PTGER3: variants seen among roughly 807,000 people sequenced by gnomAD.
PTGER3 encodes prostaglandin E receptor 3.
Under a neutral mutation model 34.7 loss-of-function variants are expected in PTGER3, and 22 were observed. The ratio of observed to expected loss-of-function variants is 0.63; its 90% CI spans 0.45 to 0.91. PTGER3 has a LOEUF of 0.91. PTGER3 is among the 40% of genes least tolerant of loss of function. PTGER3 has a pLI of 0.00. For missense variants in PTGER3, 468 were observed against 519.4 expected, an observed-to-expected ratio of 0.90 and a Z score of 0.96; for synonymous variants, 241 against 230.1, an observed-to-expected ratio of 1.05 and a Z score of -0.43.
intron 4 of PTGER3, among the ~76,000 whole-genome samples, chr1:70,871,860 A>G (rs887054687): frequency 3.3e-5 from 5 of 152,050 alleles, no homozygotes; most frequent in East Asian, 1.9e-4. Flanking sequence ...GGGTCATTCA[A>G]TTTTCAAGGT....
At chr1:70,989,079 G>A (rs1332361636) in intron 2 of PTGER3, among the ~76,000 whole-genome samples, 2 of 152,066 alleles carry the variant, frequency 1.3e-5, no homozygotes, top group Admixed American at 6.6e-5. Flanking sequence ...AAAGAGGAGA[G>A]GTGACACAGT....
At chr1:70,914,090 G>T (rs543952228) in intron 4 of PTGER3, among the ~76,000 whole-genome samples, 3 of 151,528 alleles carry the variant, frequency 2.0e-5, no homozygotes, top group Admixed American at 6.6e-5. Flanking sequence ...AGTATATATA[G>T]TATACATATA....
intron 4 of PTGER3, among the ~76,000 whole-genome samples, chr1:70,942,336 T>C (rs753119064): frequency 1.3e-5 from 2 of 152,190 alleles, no homozygotes; most frequent in Non-Finnish European, 2.9e-5. Flanking sequence ...TTGTGTTGTG[T>C]TTGTGCTATT....
chr1:71,027,211 T>C (rs1443976448), intron 1 of PTGER3, among the ~76,000 whole-genome samples: 1 of 129,530 alleles, frequency 7.7e-6, no homozygotes, highest in Non-Finnish European at 1.7e-5. Flanking sequence ...TCACCGAGGC[T>C]GGAGTGCAGT....
At chr1:70,972,262 G>T (rs1317824791) in intron 3 of PTGER3, among the ~76,000 whole-genome samples, 3 of 152,114 alleles carry the variant, frequency 2.0e-5, no homozygotes, top group Non-Finnish European at 4.4e-5. Context: ...GGTGGAGGTT[G>T]CAGTGAGCCG....
At chr1:71,040,980 G>A (rs556887750) in intron 1 of PTGER3, among the ~76,000 whole-genome samples, 7 of 152,172 alleles carry the variant, frequency 4.6e-5, no homozygotes, top group Non-Finnish European at 1.0e-4. Context: ...GAAGTGCTCT[G>A]TGTAAAGAGA....
At chr1:71,022,825 C>G (rs964575505) in intron 1 of PTGER3, among the ~76,000 whole-genome samples, 40 of 151,692 alleles carry the variant, frequency 2.6e-4, no homozygotes, top group African/African-American at 9.3e-4. Context: ...CTGCAGCCAT[C>G]CATTCTTTCC....
intron 1 of PTGER3, among the ~76,000 whole-genome samples, chr1:71,032,391 T>A (rs1467263456): frequency 6.6e-6 from 1 of 152,336 alleles, no homozygotes; most frequent in African/African-American, 2.4e-5. Flanking sequence ...AACAAAACAA[T>A]AGAAAAAATC....
intron 4 of PTGER3, among the ~76,000 whole-genome samples, chr1:70,881,945 A>G (rs1353012155): frequency 1.3e-5 from 2 of 152,162 alleles, no homozygotes; most frequent in African/African-American, 2.4e-5. Context: ...AGGCAGGGGT[A>G]GGTGGAATTG....
chr1:70,914,368 G>A (rs1887404), intron 4 of PTGER3, among the ~76,000 whole-genome samples: 54,891 of 151,616 alleles, frequency 0.36, 10,100 homozygotes, highest in Middle Eastern at 0.53. Context: ...CTGGAACAGA[G>A]TTGGATCTCA....
rs117922524 is a variant in PTGER3 at position 71,014,314 on chromosome 1, C to T, written c.898-1830G>A. Reference sequence around the variant, plus strand: ...CAGTGATGGCACTTTGATACACTCACCCTGGATCAACATTTCAGAGTCTGT... The same window carrying T: ...CAGTGATGGCACTTTGATACACTCATCCTGGATCAACATTTCAGAGTCTGT... On this transcript the variant is annotated intron_variant, in intron 1 of 3. Coordinates refer to ENST00000306666, the MANE Select transcript of PTGER3 (RefSeq NM_198719.2). Among the ~76,000 whole-genome samples, 145 of 152,318 alleles carry T rather than the reference C, an allele frequency of 9.5e-4. 2 individuals are homozygous for T. The East Asian group carries it at 0.02, about 21-fold the overall frequency.
At position 71,010,042 on chromosome 1, in the gene PTGER3, TA is replaced by T. The variant is rs199528208; in HGVS notation, c.1077+2262del. ...TTTTCCACCTCCCTTTCAAGCTTGT[TA>T]AAAAAAACACAAAAGCTGCCATTCA... On this transcript the variant is annotated intron_variant, in intron 2 of 3. Transcript: ENST00000306666. The T allele has an allele frequency of 1.3e-5, 13 of 984,792 alleles. No homozygotes were observed. The African/African-American group carries it at 2.1e-4, about 16-fold the overall frequency. The allele number at this position is 984,792 out of a possible 1,614,324, so 61.0% of individuals were successfully genotyped here.
chr1:71,046,592 C>T (rs1660840661), intron 1 of PTGER3, 89 bp downstream of exon 1: 1 of 1,444,506 alleles, frequency 6.9e-7, no homozygotes, highest in African/African-American at 1.4e-5. Context: ...TGCAAACACA[C>T]CCCTGCGGGT....
At chr1:70,874,211 A>T (rs565099539) in intron 4 of PTGER3, among the ~76,000 whole-genome samples, 1 of 152,312 alleles carries the variant, frequency 6.6e-6, no homozygotes, top group African/African-American at 2.4e-5. Context: ...AAACTGCAGC[A>T]AGCAGAGCTC....
chr1:71,000,881 G>A (rs898009191), intron 2 of PTGER3, among the ~76,000 whole-genome samples: 2 of 152,142 alleles, frequency 1.3e-5, no homozygotes, highest in African/African-American at 4.8e-5. Context: ...ATTGAATGTT[G>A]ATTTAATGAA....
chr1:71,039,597 CGGAGAT>C (rs1557768351), intron 1 of PTGER3, among the ~76,000 whole-genome samples: 2 of 131,796 alleles, frequency 1.5e-5, no homozygotes, highest in Non-Finnish European at 3.1e-5. Context: ...TTGCAGTGAG[CGGAGAT>C]TGCGCCACTG....
intron 2 of PTGER3, among the ~76,000 whole-genome samples, chr1:70,996,580 C>T (rs1031691865): frequency 6.6e-6 from 1 of 151,790 alleles, no homozygotes; most frequent in African/African-American, 2.4e-5. Context: ...CCTGCCTCAG[C>T]CTCCCGAGTA....
At chr1:70,965,367 C>T (rs1320952607) in intron 2 of PTGER3, among the ~76,000 whole-genome samples, 1 of 152,072 alleles carries the variant, frequency 6.6e-6, no homozygotes, top group Non-Finnish European at 1.5e-5. Context: ...AAGAAAGACA[C>T]CTGTTACTGA....
downstream of PTGER3, among the ~76,000 whole-genome samples, chr1:70,949,410 C>T (rs750951012): frequency 2.6e-5 from 4 of 152,222 alleles, no homozygotes; most frequent in Non-Finnish European, 5.9e-5. Flanking sequence ...ACTTGAGACA[C>T]TGAACAGGAA....
Sources: gnomAD v4.1 joint callset for allele counts (sites outside exome capture counted in the v4.1 genomes callset) on GRCh38, gnomAD v4.1.1 for gene constraint, MANE v1.5 for transcripts, NCBI Gene and HGNC (gene_info 2026-07-23, HGNC 2026-07-21) for gene names.